RBFOX1: variants seen among roughly 807,000 people sequenced by gnomAD.
The protein encoded by RBFOX1 is RNA binding protein fox-1 homolog 1.
A neutral mutation model predicts 57.7 loss-of-function variants in RBFOX1; 8 were observed. That is an observed-to-expected ratio of 0.14 (90% CI 0.08 to 0.25). RBFOX1 has a LOEUF of 0.25. RBFOX1 is among the 10% of genes least tolerant of loss of function. The probability of loss-of-function intolerance (pLI) is 1.00; values close to 1 mark genes in which losing one functional copy is unlikely to be tolerated. For synonymous variants in RBFOX1, 326 were observed against 222.4 expected (o/e 1.47, Z -4.15); for missense variants, 611 against 548.5 (o/e 1.11, Z -1.14).
chr16:5,982,364 T>C (rs1048179910), intron 4 of RBFOX1, among the ~76,000 whole-genome samples: 1 of 152,006 alleles, frequency 6.6e-6, no homozygotes, highest in African/African-American at 2.4e-5. Flanking sequence ...ACCTCCGCCT[T>C]CTGGGTTCAA....
chr16:7,565,699 C>T (rs1209934151), intron 5 of RBFOX1, among the ~76,000 whole-genome samples: 1 of 152,236 alleles, frequency 6.6e-6, no homozygotes, highest in Non-Finnish European at 1.5e-5. Flanking sequence ...GCCTCGAAGA[C>T]ACTCAGAAGC....
intron 3 of RBFOX1, among the ~76,000 whole-genome samples, chr16:6,783,336 C>T (rs62016100): frequency 0.23 from 30,925 of 134,790 alleles, 4,753 homozygotes; most frequent in African/African-American, 0.44. Flanking sequence ...TTCTTCTTGT[C>T]TTCCTTTCTA....
intron 3 of RBFOX1, among the ~76,000 whole-genome samples, chr16:6,866,299 T>C (rs1344838173): frequency 6.6e-6 from 1 of 152,036 alleles, no homozygotes; most frequent in Admixed American, 6.5e-5. Context: ...GCTGATGGGC[T>C]TTAAGTTTCA....
At chr16:6,837,040 A>G (rs2093150776) in intron 3 of RBFOX1, among the ~76,000 whole-genome samples, 1 of 152,186 alleles carries the variant, frequency 6.6e-6, no homozygotes. Context: ...TTTTACAGTA[A>G]GCCCAGGACA....
intron 2 of RBFOX1, among the ~76,000 whole-genome samples, chr16:6,358,416 A>T (rs1369862183): frequency 6.6e-6 from 1 of 152,214 alleles, no homozygotes; most frequent in East Asian, 1.9e-4. Context: ...TTAGAAAAAG[A>T]TTAGAAGTTG....
At chr16:7,017,747 A>C (rs138716337) in intron 3 of RBFOX1, among the ~76,000 whole-genome samples, 1 of 152,268 alleles carries the variant, frequency 6.6e-6, no homozygotes, top group African/African-American at 2.4e-5. Flanking sequence ...TGACAGGCCA[A>C]CTTCCAAACA....
In RBFOX1 at chr16:6,388,018, T is replaced by C. The variant is rs573408886; in HGVS notation, c.-64+70961T>C. 1.7e-4 allele frequency among the ~76,000 whole-genome samples: 26 copies of C among 149,836 alleles called. 2 individuals carry two copies. The highest frequency in any genetic ancestry group is 9.7e-4 in the East Asian group (5 of 5,152). On this transcript the variant is annotated intron_variant, in intron 2 of 15. Transcript: ENST00000550418. ...TTTTTTGGAGACAGAGTCTTGCTTT[T>C]GGCCAGGCTGGAGTGCACTGGAACG...
At chr16:7,043,461 C>T (rs1337458954) in intron 3 of RBFOX1, among the ~76,000 whole-genome samples, 3 of 152,108 alleles carry the variant, frequency 2.0e-5, no homozygotes, top group South Asian at 2.1e-4. Context: ...TCAAGGAAAA[C>T]GCAAACTCCA....
chr16:5,283,105 G>A (rs1257830304), intron 1 of RBFOX1, among the ~76,000 whole-genome samples: 9 of 152,248 alleles, frequency 5.9e-5, no homozygotes, highest in South Asian at 2.1e-4. Context: ...GAGGGTGCAA[G>A]CCCCAAGCCT....
At chr16:5,991,808 C>G (rs566546849) in intron 4 of RBFOX1, among the ~76,000 whole-genome samples, 3 of 152,154 alleles carry the variant, frequency 2.0e-5, no homozygotes, top group African/African-American at 7.2e-5. Flanking sequence ...CTTCTAACCT[C>G]CTTCAACCTT....
chr16:6,254,500 G>C (rs1474867894), intron 1 of RBFOX1, among the ~76,000 whole-genome samples: 2 of 152,122 alleles, frequency 1.3e-5, no homozygotes, highest in African/African-American at 4.8e-5. Context: ...AATAACCCTT[G>C]CTGAGTTTGA....
At chr16:5,891,950 T>G (rs541456552) in intron 4 of RBFOX1, among the ~76,000 whole-genome samples, 1 of 152,326 alleles carries the variant, frequency 6.6e-6, no homozygotes, top group African/African-American at 2.4e-5. Context: ...CGATGTCTCT[T>G]GTGGGACAAA....
At chr16:6,450,790 CATATATATATGTATATAT>C (rs1263087753) in intron 2 of RBFOX1, among the ~76,000 whole-genome samples, 5,520 of 34,980 alleles carry the variant, frequency 0.16, 917 homozygotes, top group African/African-American at 0.25. Context: ...TATATATATA[CATATATATATGTATATAT>C]ATATATATAC....
At chr16:6,514,511 TTTTA>T (rs1270254816) in intron 2 of RBFOX1, among the ~76,000 whole-genome samples, 2 of 152,214 alleles carry the variant, frequency 1.3e-5, no homozygotes, top group African/African-American at 4.8e-5. Flanking sequence ...ATTCACAGTC[TTTTA>T]TTTGTGTTTC....
At chr16:7,133,584 CAT>C (rs1472698690) in intron 4 of RBFOX1, among the ~76,000 whole-genome samples, 4 of 152,070 alleles carry the variant, frequency 2.6e-5, no homozygotes, top group Non-Finnish European at 4.4e-5. Context: ...AAGATACACA[CAT>C]GATTAATACC....
intron 1 of RBFOX1, among the ~76,000 whole-genome samples, chr16:6,256,147 A>ATATATATATG (rs71145206): frequency 0.027 from 987 of 36,444 alleles, 65 homozygotes; most frequent in African/African-American, 0.075. Context: ...ATGTGTGTAT[A>ATATATATATG]TATATATATA....
intron 3 of RBFOX1, among the ~76,000 whole-genome samples, chr16:5,795,665 C>T (rs1490130078): frequency 1.3e-5 from 2 of 152,148 alleles, no homozygotes; most frequent in African/African-American, 4.8e-5. Flanking sequence ...CTTCCAAATC[C>T]TAACTCAAAT....
chr16:5,687,393 C>T (rs569956504), intron 3 of RBFOX1, among the ~76,000 whole-genome samples: 176 of 152,190 alleles, frequency 1.2e-3, no homozygotes, highest in African/African-American at 3.7e-3. Flanking sequence ...TTGGGCCCGT[C>T]CTTAAACTTT....
At chr16:7,557,836 A>G (rs1200496884) in intron 5 of RBFOX1, among the ~76,000 whole-genome samples, 8 of 151,846 alleles carry the variant, frequency 5.3e-5, no homozygotes, top group South Asian at 2.1e-4. Context: ...GCATTTGCCA[A>G]TTTCCATGGT....
Sources: gnomAD v4.1 joint callset for allele counts (sites outside exome capture counted in the v4.1 genomes callset) on GRCh38, gnomAD v4.1.1 for gene constraint, MANE v1.5 for transcripts, NCBI Gene and HGNC (gene_info 2026-07-23, HGNC 2026-07-21) for gene names.